Variants in TMEM232 observed in about 807,000 individuals in gnomAD.
TMEM232 encodes transmembrane protein 232.
A neutral mutation model predicts 78.8 loss-of-function variants in TMEM232; 80 were observed. The ratio of observed to expected loss-of-function variants is 1.01; its 90% confidence interval spans 0.85 to 1.22. The LOEUF is 1.22. TMEM232 is among the 50% of genes most tolerant of loss of function. TMEM232 has a pLI of 0.00. For synonymous variants in TMEM232, 297 were observed against 254.3 expected (o/e 1.17, Z -1.60); for missense variants, 881 against 742.2 (o/e 1.19, Z -2.17).
intron 5 of TMEM232, among the ~76,000 whole-genome samples, chr5:110,635,438 A>G (rs1785671372): frequency 6.6e-6 from 1 of 152,100 alleles, no homozygotes; most frequent in South Asian, 2.1e-4. Context: ...AACCTCAACA[A>G]AATACTAGCA....
chr5:110,468,593 T>C (rs2149369621), intron 12 of TMEM232, among the ~76,000 whole-genome samples: 2 of 152,200 alleles, frequency 1.3e-5, no homozygotes, highest in Non-Finnish European at 2.9e-5. Flanking sequence ...TCGAATGATA[T>C]ATAAAAACCA....
chr5:110,612,180 G>A (rs569526668), intron 8 of TMEM232, among the ~76,000 whole-genome samples: 1 of 152,234 alleles, frequency 6.6e-6, no homozygotes, highest in Non-Finnish European at 1.5e-5. Flanking sequence ...CTGCTAAACA[G>A]ACCCTGGGGT....
chr5:110,607,348 T>G (rs983838305), intron 8 of TMEM232, among the ~76,000 whole-genome samples: 7 of 152,028 alleles, frequency 4.6e-5, no homozygotes, highest in African/African-American at 1.7e-4. Context: ...AGAAGTATTT[T>G]CTGTCTTGCA....
In TMEM232 at chr5:110,600,181, A is replaced by G. The variant is rs553092035; in HGVS notation, c.1276+4928T>C. 6.6e-5 allele frequency among the ~76,000 whole-genome samples: 10 copies of G among 152,362 alleles called. No homozygotes were observed. In the East Asian group the frequency reaches 1.7e-3, roughly 26 times the overall value. On this transcript the variant is annotated intron_variant, in intron 10 of 13. Transcript: ENST00000455884. ...TAAAGCAGTTTTAAAAGGGAAATTT[A>G]TAGTACTAAATGCCCACATCAGAAA...
At chr5:110,550,944 C>G (rs1774387281) in intron 11 of TMEM232, among the ~76,000 whole-genome samples, 2 of 141,492 alleles carry the variant, frequency 1.4e-5, no homozygotes, top group South Asian at 4.2e-4. Context: ...CAGGCCAAAT[C>G]CAGCCATTTT....
intron 1 of TMEM232, among the ~76,000 whole-genome samples, chr5:110,687,270 A>G (rs1214200122): frequency 6.6e-6 from 1 of 151,814 alleles, no homozygotes; most frequent in African/African-American, 2.4e-5. Context: ...CAGCTTAGGA[A>G]CTGCCTCTTC....
chr5:110,471,352 G>C (rs989258791), intron 12 of TMEM232, among the ~76,000 whole-genome samples: 6 of 152,146 alleles, frequency 3.9e-5, no homozygotes, highest in Admixed American at 6.5e-5. Flanking sequence ...TAAAATAATT[G>C]GTGAAAACTT....
chr5:110,665,856 A>G (rs767882423), intron 2 of TMEM232, among the ~76,000 whole-genome samples: 2 of 145,986 alleles, frequency 1.4e-5, no homozygotes, highest in Non-Finnish European at 3.0e-5. Context: ...GGAGTTCAAG[A>G]CCAGCCTGGG....
At chr5:110,557,485 G>A (rs947468910) in intron 11 of TMEM232, among the ~76,000 whole-genome samples, 1 of 152,158 alleles carries the variant, frequency 6.6e-6, no homozygotes, top group African/African-American at 2.4e-5. Flanking sequence ...CGAAATACCT[G>A]AGCTGGATAA....
chr5:110,689,467 T>G lies in TMEM232; in HGVS notation c.-12-22103A>C, dbSNP rs1427479150. Among the ~76,000 whole-genome samples, 5 of 152,116 alleles carry G rather than the reference T, an allele frequency of 3.3e-5. No homozygotes were observed. In the East Asian group the frequency reaches 9.6e-4, roughly 29 times the overall value. ...CACAAAACACTAATATTCAAAATAC[T>G]GAAAACTGAAGCATTTAAAGTGTTT... On this transcript the variant is annotated intron_variant, in intron 1 of 13. Transcript: ENST00000455884.
intron 1 of TMEM232, among the ~76,000 whole-genome samples, chr5:110,716,090 C>T (rs1796981565): frequency 6.6e-6 from 1 of 152,056 alleles, no homozygotes; most frequent in Non-Finnish European, 1.5e-5. Context: ...CCTCATGTCT[C>T]CCTAAAATGT....
chr5:110,453,828 A>C (rs77222238), intron 12 of TMEM232, among the ~76,000 whole-genome samples: 17 of 132,436 alleles, frequency 1.3e-4, no homozygotes, highest in African/African-American at 4.2e-4. Flanking sequence ...TTCCAGGAGC[A>C]AAAAAAAAAA....
intron 10 of TMEM232, among the ~76,000 whole-genome samples, chr5:110,591,533 C>A (rs1371747383): frequency 6.6e-6 from 1 of 152,094 alleles, no homozygotes; most frequent in Non-Finnish European, 1.5e-5. Context: ...CTACATTAAC[C>A]ACCATAACAT....
intron 5 of TMEM232, among the ~76,000 whole-genome samples, chr5:110,637,414 G>A (rs1486527447): frequency 3.3e-5 from 5 of 151,718 alleles, no homozygotes; most frequent in African/African-American, 1.2e-4. Flanking sequence ...TACAATGACT[G>A]AAATGTGGTT....
chr5:110,443,253 C>T (rs1382117421), intron 12 of TMEM232, among the ~76,000 whole-genome samples: 2 of 152,104 alleles, frequency 1.3e-5, no homozygotes, highest in African/African-American at 2.4e-5. Context: ...AGAAGTTTAC[C>T]GATGTTCTAT....
At chr5:110,464,354 T>C (rs1437926486) in intron 12 of TMEM232, among the ~76,000 whole-genome samples, 1 of 152,258 alleles carries the variant, frequency 6.6e-6, no homozygotes, top group South Asian at 2.1e-4. Flanking sequence ...ATTTCTTGAG[T>C]CAATGAATGA....
chr5:110,738,381 T>C, upstream of TMEM232: 1 of 538,474 alleles, frequency 1.9e-6, no homozygotes, highest in Non-Finnish European at 2.5e-6. Flanking sequence ...AAACTATAGT[T>C]TCTTTACAGC....
chr5:110,573,197 C>T (rs1777161216), intron 10 of TMEM232, among the ~76,000 whole-genome samples: 1 of 151,926 alleles, frequency 6.6e-6, no homozygotes, highest in South Asian at 2.1e-4. Flanking sequence ...TGTTTGAACC[C>T]TTTGATAGAC....
chr5:110,691,549 T>C (rs536089311), intron 1 of TMEM232, among the ~76,000 whole-genome samples: 2 of 152,192 alleles, frequency 1.3e-5, no homozygotes, highest in African/African-American at 2.4e-5. Flanking sequence ...TGGCTTCAGG[T>C]TAGCCATATG....
Sources: gnomAD v4.1 joint callset for allele counts (sites outside exome capture counted in the v4.1 genomes callset) on GRCh38, gnomAD v4.1.1 for gene constraint, MANE v1.5 for transcripts, NCBI Gene and HGNC (gene_info 2026-07-23, HGNC 2026-07-21) for gene names.